FGF12: variants seen among roughly 807,000 people sequenced by gnomAD.
FGF12 encodes fibroblast growth factor 12.
FGF12 carries 14 observed loss-of-function variants against 23.6 expected under a neutral mutation model. That is an observed-to-expected ratio of 0.59 (90% CI 0.39 to 0.93). The LOEUF is 0.93. Among genes scored for constraint, FGF12 ranks in the 40% least tolerant of loss-of-function variants. FGF12 has a pLI of 0.00. For synonymous variants in FGF12, 62 were observed against 77.3 expected, an observed-to-expected ratio of 0.80 and a Z score of 1.04; for missense variants, 175 against 217.8, an observed-to-expected ratio of 0.80 and a Z score of 1.24.
chr3:192,628,521 G>GTATA (rs1485884875), intron 2 of FGF12, among the ~76,000 whole-genome samples: 2 of 147,184 alleles, frequency 1.4e-5, no homozygotes, highest in African/African-American at 5.0e-5. Context: ...GTGTGTGTGT[G>GTATA]TATATATATA....
chr3:192,260,714 T>C (rs1032227600), intron 4 of FGF12, among the ~76,000 whole-genome samples: 2 of 152,146 alleles, frequency 1.3e-5, no homozygotes, highest in Non-Finnish European at 2.9e-5. Flanking sequence ...AAGTCCCCTT[T>C]CCTGCTTCTA....
intron 2 of FGF12, among the ~76,000 whole-genome samples, chr3:192,578,699 C>T (rs1713013323): frequency 6.6e-6 from 1 of 152,114 alleles, no homozygotes; most frequent in Non-Finnish European, 1.5e-5. Context: ...GATAATATTA[C>T]CTTTTTCACT....
chr3:192,289,253 C>T (rs749207065), intron 4 of FGF12, among the ~76,000 whole-genome samples: 1 of 152,242 alleles, frequency 6.6e-6, no homozygotes, highest in Non-Finnish European at 1.5e-5. Flanking sequence ...CAGGACCCAA[C>T]AAGGTAGACA....
chr3:192,634,010 T>A (rs1392263786), intron 2 of FGF12, among the ~76,000 whole-genome samples: 1 of 152,216 alleles, frequency 6.6e-6, no homozygotes, highest in African/African-American at 2.4e-5. Context: ...AGGTCTAAAT[T>A]CATTCCTAAA....
At chr3:192,432,966 G>A (rs1317667487) in intron 2 of FGF12, among the ~76,000 whole-genome samples, 1 of 152,114 alleles carries the variant, frequency 6.6e-6, no homozygotes, top group East Asian at 1.9e-4. Context: ...CTCCCTGAGG[G>A]TACCATATCA....
intron 4 of FGF12, among the ~76,000 whole-genome samples, chr3:192,177,981 A>C (rs1322440303): frequency 1.3e-5 from 2 of 152,166 alleles, no homozygotes; most frequent in Non-Finnish European, 2.9e-5. Context: ...CATGATTGCT[A>C]TATTCTCTTC....
chr3:192,277,705 T>C (rs992675796), intron 4 of FGF12, among the ~76,000 whole-genome samples: 1 of 152,186 alleles, frequency 6.6e-6, no homozygotes, highest in African/African-American at 2.4e-5. Context: ...CCGCCCAGCA[T>C]CTGTATGAGG....
intron 2 of FGF12, among the ~76,000 whole-genome samples, chr3:192,582,799 A>G (rs773895254): frequency 6.6e-6 from 1 of 152,158 alleles, no homozygotes; most frequent in Non-Finnish European, 1.5e-5. Context: ...GCCTGTGCCT[A>G]GCTTCTCAGC....
intron 4 of FGF12, among the ~76,000 whole-genome samples, chr3:192,266,643 T>C (rs1038265022): frequency 1.3e-5 from 2 of 152,046 alleles, no homozygotes; most frequent in Admixed American, 1.3e-4. Flanking sequence ...AGTGAGAAAA[T>C]GGTAGCTCAT....
intron 4 of FGF12, among the ~76,000 whole-genome samples, chr3:192,194,998 A>G (rs1716988624): frequency 6.6e-6 from 1 of 152,214 alleles, no homozygotes; most frequent in Non-Finnish European, 1.5e-5. Context: ...AGTGGTTTAC[A>G]GTTTAATGGA....
chr3:192,421,725 C>T (rs80283904), intron 2 of FGF12, among the ~76,000 whole-genome samples: 6 of 151,842 alleles, frequency 4.0e-5, no homozygotes, highest in Non-Finnish European at 7.4e-5. Context: ...ATGTAGGTGA[C>T]GGGTTGATGG....
At chr3:192,489,450 A>T (rs1256855322) in intron 2 of FGF12, among the ~76,000 whole-genome samples, 1 of 152,068 alleles carries the variant, frequency 6.6e-6, no homozygotes, top group Non-Finnish European at 1.5e-5. Context: ...CTTCTTTGCC[A>T]AGAGAGTCTC....
chr3:192,505,352 T>C (rs76709453), intron 2 of FGF12, among the ~76,000 whole-genome samples: 13,061 of 152,298 alleles, frequency 0.086, 644 homozygotes, highest in Admixed American at 0.19. Flanking sequence ...TCATTACTAA[T>C]AGCTGCTTGT....
intron 5 of FGF12, among the ~76,000 whole-genome samples, chr3:192,169,835 G>GGA (rs747930474): frequency 7.2e-6 from 1 of 139,690 alleles, no homozygotes; most frequent in African/African-American, 2.6e-5. Flanking sequence ...GGTTTCCTCA[G>GGA]AAAAAAAAAA....
intron 2 of FGF12, among the ~76,000 whole-genome samples, chr3:192,702,656 G>C (rs140785511): frequency 6.6e-6 from 1 of 152,086 alleles, no homozygotes; most frequent in South Asian, 2.1e-4. Context: ...GCCAGGTATG[G>C]TGGCATGCAC....
intron 4 of FGF12, among the ~76,000 whole-genome samples, chr3:192,252,357 G>A (rs972956619): frequency 2.0e-5 from 3 of 150,526 alleles, no homozygotes; most frequent in Non-Finnish European, 4.4e-5. Flanking sequence ...CAGCTACTGG[G>A]GAGGTTGAGG....
At position 192,428,921 on chromosome 3, in the gene FGF12, G is replaced by T. The variant is rs142999055; in HGVS notation, c.14-68383C>A. Among the ~76,000 whole-genome samples, 9 of 152,016 alleles carry T rather than the reference G, an allele frequency of 5.9e-5. No individual in the cohort carries two copies. The East Asian group carries it at 1.8e-3, about 30-fold the overall frequency. On this transcript the variant is annotated intron_variant, in intron 2 of 5. Coordinates refer to ENST00000445105, the MANE Select transcript of FGF12 (RefSeq NM_004113.6). Reference sequence around the variant, plus strand: ...CCACCTCCATTGCCGTCTTTTCCTTGAAACCTTCTCTCATTCCTCCAGTCA... The same window carrying T: ...CCACCTCCATTGCCGTCTTTTCCTTTAAACCTTCTCTCATTCCTCCAGTCA...
chr3:192,155,461 C>T (rs991840449), intron 5 of FGF12, among the ~76,000 whole-genome samples: 4 of 152,150 alleles, frequency 2.6e-5, no homozygotes, highest in Non-Finnish European at 5.9e-5. Flanking sequence ...ATTCCAAGTA[C>T]CATAATTCTG....
chr3:192,636,307 A>C (rs987908524), intron 2 of FGF12, among the ~76,000 whole-genome samples: 4 of 152,158 alleles, frequency 2.6e-5, no homozygotes, highest in Non-Finnish European at 5.9e-5. Context: ...ATAAAAGTTG[A>C]AATTTATTTC....
Sources: gnomAD v4.1 joint callset for allele counts (sites outside exome capture counted in the v4.1 genomes callset) on GRCh38, gnomAD v4.1.1 for gene constraint, MANE v1.5 for transcripts, NCBI Gene and HGNC (gene_info 2026-07-23, HGNC 2026-07-21) for gene names.